The following LAMA4 variants were observed in gnomAD, a reference collection of about 807,000 sequenced individuals.
LAMA4 encodes the protein laminin subunit alpha 4.
A neutral mutation model predicts 207.1 loss-of-function variants in LAMA4; 127 were observed. The ratio of observed to expected loss-of-function variants is 0.61; its 90% CI spans 0.53 to 0.71. LAMA4 has a LOEUF of 0.71. LAMA4 is among the 30% of genes least tolerant of loss of function. The pLI is 0.00. For missense variants in LAMA4, 2,093 were observed against 2,246.5 expected, an observed-to-expected ratio of 0.93 and a Z score of 1.38; for synonymous variants, 761 against 816.0, an observed-to-expected ratio of 0.93 and a Z score of 1.15.
chr6:112,228,873 G>A (rs1291029112), intron 2 of LAMA4, among the ~76,000 whole-genome samples: 3 of 152,124 alleles, frequency 2.0e-5, no homozygotes, highest in Non-Finnish European at 2.9e-5. Flanking sequence ...GATCTGGGGG[G>A]ACAGGTGCAG....
intron 6 of LAMA4, among the ~76,000 whole-genome samples, 166 bp from the exon 7 acceptor site, chr6:112,189,371 G>C (rs1239516164): frequency 6.6e-6 from 1 of 151,828 alleles, no homozygotes; most frequent in Admixed American, 6.6e-5. Context: ...CAGAGATTAC[G>C]CCCTTCATCC....
intron 3 of LAMA4, chr6:112,214,031 G>A: frequency 1.3e-6 from 1 of 762,660 alleles, no homozygotes; most frequent in Non-Finnish European, 2.4e-6. Flanking sequence ...ATGAACGATA[G>A]GGCAGAAGCT....
intron 2 of LAMA4, chr6:112,218,225 G>A (rs2115067504): frequency 6.6e-6 from 1 of 152,260 alleles, no homozygotes; most frequent in Non-Finnish European, 1.5e-5. Flanking sequence ...CTCTTAAATG[G>A]TGGTTTCTGA....
intron 10 of LAMA4, 83 bp downstream of exon 10, chr6:112,178,038 T>G: frequency 1.0e-6 from 1 of 976,082 alleles, no homozygotes; most frequent in Non-Finnish European, 1.7e-6. Context: ...AGCAAACACT[T>G]AACAGTAGCC....
At chr6:112,224,848 A>C (rs757391332) in intron 2 of LAMA4, among the ~76,000 whole-genome samples, 14 of 148,478 alleles carry the variant, frequency 9.4e-5, no homozygotes, top group Non-Finnish European at 1.9e-4. Flanking sequence ...AACATTTTTG[A>C]AATTTCTTCC....
intron 4 of LAMA4, among the ~76,000 whole-genome samples, chr6:112,204,165 A>G (rs1783920696): frequency 6.6e-6 from 1 of 152,212 alleles, no homozygotes; most frequent in Admixed American, 6.5e-5. Context: ...ACCTATCTTA[A>G]TAAAGGTGAG....
At chr6:112,187,324 TACAGG>T in intron 8 of LAMA4, 121 bp downstream of exon 8, 1 of 1,082,738 alleles carries the variant, frequency 9.2e-7, no homozygotes, top group Non-Finnish European at 1.4e-6. Flanking sequence ...ATGTTAGACC[TACAGG>T]TCTAACAACC....
At chr6:112,214,443 G>A (rs1362195620) in intron 3 of LAMA4, among the ~76,000 whole-genome samples, 5 of 151,990 alleles carry the variant, frequency 3.3e-5, no homozygotes, top group Admixed American at 3.3e-4. Flanking sequence ...GTGTCGCTCT[G>A]GGGGATAGGA....
At chr6:112,212,980 G>A (rs1427445074) in intron 3 of LAMA4, among the ~76,000 whole-genome samples, 1 of 152,200 alleles carries the variant, frequency 6.6e-6, no homozygotes, top group Non-Finnish European at 1.5e-5. Context: ...TTCCTGAATA[G>A]GGTTTTAATT....
chr6:112,183,254 T>C (rs1181670451), intron 9 of LAMA4, among the ~76,000 whole-genome samples: 1 of 152,242 alleles, frequency 6.6e-6, no homozygotes, highest in African/African-American at 2.4e-5. Flanking sequence ...GAATCAGTCA[T>C]GGACTTTTCT....
rs1364828315 is a variant in LAMA4, at chr6:112,109,352, A to C, written c.*85T>G. The C allele has an allele frequency of 9.6e-6, 14 of 1,454,066 alleles. No homozygotes were observed. The highest frequency in any genetic ancestry group is 1.2e-5 in the Non-Finnish European group (13 of 1,043,220). 90.1% of individuals were successfully genotyped at this position (1,454,066 alleles called of 1,614,324 possible). A position where few individuals can be genotyped will look rare whatever the true frequency, so the allele number is the denominator to read the frequency against. On this transcript the variant is annotated 3_prime_UTR_variant, in exon 39 of 39. Coordinates refer to ENST00000230538, the MANE Select transcript of LAMA4 (RefSeq NM_001105206.3). ...CTCGATGAAAGCTTCCACCCGAAGG[A>C]AGAGTTACTGTTCCTCCTGGCTGGC...
In LAMA4 at chr6:112,118,840, G is replaced by A. The variant is rs1421404612; in HGVS notation, c.4821+316C>T. Among the ~76,000 whole-genome samples the A allele has an allele frequency of 6.6e-6, 1 of 151,106 alleles. No homozygotes were observed. Among genetic ancestry groups the A allele is most frequent in the Non-Finnish European group, 1.5e-5 (1 of 67,788 alleles). On this transcript the variant is annotated intron_variant, in intron 34 of 38. Transcript: ENST00000230538. The surrounding 1 kb of genome is among the most constrained non-coding windows in gnomAD (Gnocchi z 4.6). ...AATGATTTGCTTTCTTTTTTGTTAT[G>A]TCTTTACATTAAAAGTATGGGTACT...
At chr6:112,239,321 CAAA>C (rs1202967086) in intron 2 of LAMA4, among the ~76,000 whole-genome samples, 1 of 78,234 alleles carries the variant, frequency 1.3e-5, no homozygotes, top group African/African-American at 4.9e-5. Flanking sequence ...GACTCCATCT[CAAA>C]AAAAAAAAAA....
At chr6:112,239,944 G>T (rs1786267638) in intron 2 of LAMA4, among the ~76,000 whole-genome samples, 1 of 151,972 alleles carries the variant, frequency 6.6e-6, no homozygotes, top group Non-Finnish European at 1.5e-5. Context: ...GGCACCTGTA[G>T]TCCCGGGAGG....
intron 10 of LAMA4, among the ~76,000 whole-genome samples, chr6:112,175,845 A>G (rs1293659999): frequency 6.6e-6 from 1 of 152,238 alleles, no homozygotes; most frequent in Non-Finnish European, 1.5e-5. Flanking sequence ...AGGCATCCAA[A>G]TCTACAGTCT....
Position 112,216,411 on chromosome 6 carries a change from T to C in LAMA4, c.254A>G (p.Asn85Ser), listed in dbSNP as rs145301300. ...LSGECVPCDCNGNSNECLDGS... is the reference protein window; with the variant it reads ...LSGECVPCDCSGNSNECLDGS... ...GTCCAAACACTCGTTGGAATTGCCATTACAGTCGCAGGGCACACATTCTCC... is the reference window on the plus strand; with the variant it reads ...GTCCAAACACTCGTTGGAATTGCCACTACAGTCGCAGGGCACACATTCTCC... Residue 85 changes from asparagine (N) to serine (S), a missense_variant, in exon 3 of 39, where the codon AAT becomes AGT. This residue lies in a region of LAMA4 where 1,704 missense variants were observed against 1,788.4 expected (regional missense o/e 0.95). Transcript: ENST00000230538. The C allele has an allele frequency of 6.9e-5, 111 of 1,614,096 alleles. No homozygotes were observed. In the African/African-American group the frequency reaches 1.4e-3, roughly 21 times the overall value.
At chr6:112,186,947 G>C (rs372809709) in intron 8 of LAMA4, 2 of 451,398 alleles carry the variant, frequency 4.4e-6, no homozygotes, top group Admixed American at 4.8e-5. Flanking sequence ...GTCTGCGTTT[G>C]ACTGTGAGTA....
Position 112,155,262 on chromosome 6 carries a change from C to A in LAMA4, c.1959+303G>T. On this transcript the variant is annotated intron_variant, in intron 15 of 38. Coordinates refer to ENST00000230538, the MANE Select transcript of LAMA4 (RefSeq NM_001105206.3). ...GAGTTGAAAAAAATATAAATGAATG[C>A]ATAAAGTATCTTCTCTATCAGCAAG... The A allele has an allele frequency of 8.9e-6, 5 of 558,804 alleles. No homozygotes were observed. In the South Asian group the frequency reaches 1.1e-4, roughly 12 times the overall value. The allele number at this position is 558,804 out of a possible 1,614,324, so 34.6% of individuals were successfully genotyped here.
intron 1 of LAMA4, 68 bp from the exon 2 acceptor site, chr6:112,254,359 C>G: frequency 1.6e-6 from 1 of 607,710 alleles, no homozygotes; most frequent in Non-Finnish European, 2.9e-6. Context: ...CTCTCTCTCT[C>G]CCCTTCTCCC....
Sources: allele counts gnomAD v4.1 joint callset (sites outside exome capture counted in the v4.1 genomes callset), GRCh38; gene constraint gnomAD v4.1.1; regional missense constraint gnomAD v4.1.1; non-coding constraint Gnocchi (gnomAD v3.1); transcripts MANE v1.5; gene names NCBI Gene and HGNC (gene_info 2026-07-23, HGNC 2026-07-21).